VKORC1L1: variants seen among roughly 807,000 people sequenced by gnomAD.
VKORC1L1 encodes vitamin K epoxide reductase complex subunit 1L1.
In VKORC1L1, 2 loss-of-function variants were observed where a neutral mutation model predicts 18.9. The observed-to-expected ratio is 0.11, with a 90% confidence interval of 0.04 to 0.33. The LOEUF (loss-of-function observed/expected upper bound fraction) is 0.33. Among genes scored for constraint, VKORC1L1 ranks in the 10% least tolerant of loss-of-function variants. The pLI is 1.00. For missense variants in VKORC1L1, 123 were observed against 224.1 expected, an observed-to-expected ratio of 0.55 and a Z score of 2.88; for synonymous variants, 96 against 100.0, an observed-to-expected ratio of 0.96 and a Z score of 0.24.
At chr7:65,866,856 CGAG>C in the VKORC1L1 span, among the ~76,000 whole-genome samples, 1 of 151,360 alleles carries the variant, frequency 6.6e-6, no homozygotes, top group Non-Finnish European at 1.5e-5. Flanking sequence ...GAGACCCTGT[CGAG>C]GAGGAAGAGG....
At chr7:65,952,277 C>A (rs957747784) in intron 2 of VKORC1L1, among the ~76,000 whole-genome samples, 12 of 152,290 alleles carry the variant, frequency 7.9e-5, no homozygotes, top group African/African-American at 2.9e-4. Context: ...ATAGGCTTTG[C>A]CAGTTGCCGC....
At position 65,955,654 on chromosome 7, in the gene VKORC1L1, T is replaced by C. The variant is rs916933626; in HGVS notation, c.*1354T>C. 2 of 152,216 alleles carry C rather than the reference T, an allele frequency of 1.3e-5. No homozygotes were observed. The highest frequency in any genetic ancestry group is 2.9e-5 in the Non-Finnish European group (2 of 68,044). The allele number at this position is 152,216 out of a possible 1,614,324, so 9.4% of individuals were successfully genotyped here. A position where few individuals can be genotyped will look rare whatever the true frequency, so the allele number is the denominator to read the frequency against. On this transcript the variant is annotated 3_prime_UTR_variant, in exon 3 of 3. Transcript: ENST00000360768. ...GTCTTAAATCTCAAACCAAATATTT[T>C]GTGTGTTGACCTTGGGCAGAAGAAG...
At chr7:65,921,725 G>A (rs921535166) in intron 1 of VKORC1L1, among the ~76,000 whole-genome samples, 6 of 152,054 alleles carry the variant, frequency 3.9e-5, no homozygotes. Flanking sequence ...GCGGGCGCCT[G>A]TAGTCCCAGC....
intron 1 of VKORC1L1, among the ~76,000 whole-genome samples, chr7:65,895,504 TATATATATATATACAC>T (rs1392386626): frequency 5.4e-5 from 5 of 92,246 alleles, no homozygotes; most frequent in African/African-American, 1.9e-4. Flanking sequence ...TATATATATA[TATATATATATATACAC>T]ACACACACAC....
chr7:65,948,172 G>C (rs1292265255), intron 1 of VKORC1L1, among the ~76,000 whole-genome samples: 5 of 152,122 alleles, frequency 3.3e-5, no homozygotes, highest in African/African-American at 1.2e-4. Flanking sequence ...TGCATTTTTG[G>C]TAGTCACACC....
At chr7:65,883,372 A>G (rs562613441) in intron 1 of VKORC1L1, among the ~76,000 whole-genome samples, 6 of 152,112 alleles carry the variant, frequency 3.9e-5, no homozygotes, top group Middle Eastern at 3.4e-3. Context: ...GCTCGTCTCG[A>G]ACTCCTGACC....
chr7:65,932,902 A>G (rs1208535861), intron 1 of VKORC1L1, among the ~76,000 whole-genome samples: 1 of 151,674 alleles, frequency 6.6e-6, no homozygotes, highest in East Asian at 1.9e-4. Flanking sequence ...AGATGATGAA[A>G]CCCCATGTCT....
intron 1 of VKORC1L1, among the ~76,000 whole-genome samples, chr7:65,878,266 T>C (rs1788864112): frequency 6.6e-6 from 1 of 151,496 alleles, no homozygotes; most frequent in Admixed American, 6.6e-5. Flanking sequence ...GCCAATATGG[T>C]GAAACCCCTT....
At chr7:65,928,332 C>G (rs1789801055) in intron 1 of VKORC1L1, among the ~76,000 whole-genome samples, 1 of 145,868 alleles carries the variant, frequency 6.9e-6, no homozygotes, top group Non-Finnish European at 1.5e-5. Flanking sequence ...ATCAAGAGAT[C>G]CTCTCACCTC....
At chr7:65,951,108 G>C (rs936487573) in intron 2 of VKORC1L1, among the ~76,000 whole-genome samples, 1 of 151,986 alleles carries the variant, frequency 6.6e-6, no homozygotes, top group African/African-American at 2.4e-5. Flanking sequence ...CGCATTTTTT[G>C]ACTCGCATTT....
intron 1 of VKORC1L1, among the ~76,000 whole-genome samples, chr7:65,891,765 G>A (rs780615811): frequency 6.6e-6 from 1 of 152,178 alleles, no homozygotes; most frequent in Non-Finnish European, 1.5e-5. Flanking sequence ...TTAGGGTAGA[G>A]TACCCCATCA....
At chr7:65,920,551 G>A (rs996366265) in intron 1 of VKORC1L1, among the ~76,000 whole-genome samples, 1 of 152,166 alleles carries the variant, frequency 6.6e-6, no homozygotes, top group Non-Finnish European at 1.5e-5. Flanking sequence ...AGCTTTGGTT[G>A]TAGGAGAGGA....
Position 65,954,231 on chromosome 7 carries a change from T to C in VKORC1L1, c.462T>C (p.Ile154=). Residue 154 remains isoleucine (I), a synonymous_variant, in exon 3 of 3, where the codon ATT becomes ATC. Transcript: ENST00000360768. The stretch of plus-strand genomic sequence containing the variant: ...ACGTGCTGAACTTCCTTCTTCTCAT[T>C]ATCAACTACAAACGACTAGTTTACT... ...VTYVLNFLLL[I]INYKRLVYLN... is the part of the protein sequence containing the mutation. The C allele has an allele frequency of 6.2e-7, 1 of 1,614,132 alleles. No individual in the cohort carries two copies. Among genetic ancestry groups the C allele is most frequent in the South Asian group, 1.1e-5 (1 of 91,076 alleles).
chr7:65,948,041 A>G (rs557898795), intron 1 of VKORC1L1, among the ~76,000 whole-genome samples: 1 of 152,292 alleles, frequency 6.6e-6, no homozygotes, highest in East Asian at 1.9e-4. Context: ...TCCTGGTGAA[A>G]TTTGTGAAGA....
chr7:65,919,557 A>G (rs995042970), intron 1 of VKORC1L1, among the ~76,000 whole-genome samples: 1 of 152,032 alleles, frequency 6.6e-6, no homozygotes, highest in Non-Finnish European at 1.5e-5. Flanking sequence ...CATGCTGCAC[A>G]TCCAGTCTGC....
At chr7:65,932,404 T>C (rs1340283803) in intron 1 of VKORC1L1, among the ~76,000 whole-genome samples, 7 of 152,138 alleles carry the variant, frequency 4.6e-5, no homozygotes, top group Non-Finnish European at 8.8e-5. Flanking sequence ...GCCTGTTCTT[T>C]TTGTCATTTT....
chr7:65,878,585 AG>A lies in VKORC1L1; in HGVS notation c.194+5021del, dbSNP rs576908258. On this transcript the variant is annotated intron_variant, in intron 1 of 2. Transcript: ENST00000360768. Reference sequence around the variant, plus strand: ...CCTGGCTTCCAGAGTACTTATTTAAAGTCCCCTTTGCACCCCCATTTTAAAA... The same window carrying A: ...CCTGGCTTCCAGAGTACTTATTTAAATCCCCTTTGCACCCCCATTTTAAAA... Among the ~76,000 whole-genome samples the A allele has an allele frequency of 5.9e-5, 9 of 152,166 alleles. No homozygotes were observed. The East Asian group carries it at 1.7e-3, about 30-fold the overall frequency.
At chr7:65,870,546 G>A (rs755642246), upstream of VKORC1L1, among the ~76,000 whole-genome samples, 12 of 152,194 alleles carry the variant, frequency 7.9e-5, no homozygotes, top group Non-Finnish European at 1.5e-4. Context: ...ATGTCCATCC[G>A]TAGTAGAATG....
intron 1 of VKORC1L1, among the ~76,000 whole-genome samples, chr7:65,898,077 GTTTTTTTTTTTTTTT>G (rs71051319): frequency 4.2e-4 from 35 of 82,996 alleles, no homozygotes; most frequent in East Asian, 1.2e-3. Flanking sequence ...TTTGTAGCAG[GTTTTTTTTTTTTTTT>G]TTTTTTTTTT....
Sources: gnomAD v4.1 joint callset for allele counts (sites outside exome capture counted in the v4.1 genomes callset) on GRCh38, gnomAD v4.1.1 for gene constraint, MANE v1.5 for transcripts, NCBI Gene and HGNC (gene_info 2026-07-23, HGNC 2026-07-21) for gene names.